Variants in NSD3 observed in about 807,000 individuals in gnomAD.
The protein encoded by NSD3 is histone-lysine N-methyltransferase NSD3.
In NSD3, 24 loss-of-function variants were observed where a neutral mutation model predicts 160.8. The ratio of observed to expected loss-of-function variants is 0.15; its 90% CI spans 0.11 to 0.21. NSD3 has a LOEUF of 0.21. Ranked by LOEUF, NSD3 falls within the 10% of genes least tolerant of loss-of-function variation. The probability of loss-of-function intolerance (pLI) is 1.00; values close to 1 mark genes in which losing one functional copy is unlikely to be tolerated. For missense variants in NSD3, 1,157 were observed against 1,735.9 expected, an observed-to-expected ratio of 0.67 and a Z score of 5.93; for synonymous variants, 520 against 600.0, an observed-to-expected ratio of 0.87 and a Z score of 1.95.
At chr8:38,359,162 T>C (rs1178937883) in intron 1 of NSD3, among the ~76,000 whole-genome samples, 1 of 152,204 alleles carries the variant, frequency 6.6e-6, no homozygotes, top group Non-Finnish European at 1.5e-5. Flanking sequence ...TAGGTTTTCA[T>C]AATTAAAAAA....
intron 1 of NSD3, among the ~76,000 whole-genome samples, chr8:38,354,674 T>C (rs955281197): frequency 6.6e-6 from 1 of 152,098 alleles, no homozygotes; most frequent in African/African-American, 2.4e-5. Context: ...AGGTGTTGAA[T>C]GTAATATTCT....
chr8:38,352,422 A>G (rs555934169), intron 1 of NSD3, among the ~76,000 whole-genome samples: 3 of 152,194 alleles, frequency 2.0e-5, no homozygotes, highest in Non-Finnish European at 4.4e-5. Context: ...AGTGTCAGGC[A>G]CTTTACACAT....
chr8:38,283,109 A>T (rs1388694595), intron 19 of NSD3, among the ~76,000 whole-genome samples: 2 of 152,220 alleles, frequency 1.3e-5, no homozygotes, highest in African/African-American at 2.4e-5. Context: ...CACTTTCTCC[A>T]CGTCCTGTCT....
At chr8:38,365,830 C>T (rs1035192111) in intron 1 of NSD3, among the ~76,000 whole-genome samples, 1 of 152,048 alleles carries the variant, frequency 6.6e-6, no homozygotes, top group Non-Finnish European at 1.5e-5. Context: ...AAAAGATGAT[C>T]ATCAGGTACT....
At chr8:38,282,457 G>A (rs1808752205) in intron 19 of NSD3, among the ~76,000 whole-genome samples, 1 of 152,228 alleles carries the variant, frequency 6.6e-6, no homozygotes, top group Non-Finnish European at 1.5e-5. Context: ...GATCACCAGA[G>A]GTCAGGCGTC....
At chr8:38,381,056 G>C (rs1313123173) in intron 1 of NSD3, among the ~76,000 whole-genome samples, 1 of 152,004 alleles carries the variant, frequency 6.6e-6, no homozygotes, top group Non-Finnish European at 1.5e-5. Context: ...AGCCTTGAAA[G>C]AAAGACACAG....
intron 15 of NSD3, among the ~76,000 whole-genome samples, chr8:38,296,674 CTGTGTGTGTGTGTGTGTGTGTGTG>C (rs57485296): frequency 2.1e-5 from 3 of 142,188 alleles, no homozygotes; most frequent in Non-Finnish European, 3.0e-5. Context: ...CTCTCTCCCT[CTGTGTGTGTGTGTGTGTGTGTGTG>C]TGTGTGTGTG....
At position 38,279,521 on chromosome 8, in the gene NSD3, G is replaced by A. The variant is rs777784240; in HGVS notation, c.3760+19C>T. The A allele has an allele frequency of 2.5e-6, 4 of 1,611,856 alleles. No homozygotes were observed. Among genetic ancestry groups the A allele is most frequent in the Non-Finnish European group, 2.5e-6 (3 of 1,178,330 alleles). Reference sequence around the variant, plus strand: ...TTCTTCCTAGGGAGGAAAGCATGGGGAACGAGTCACTTTTTTACCTGCAGG... The same window carrying A: ...TTCTTCCTAGGGAGGAAAGCATGGGAAACGAGTCACTTTTTTACCTGCAGG... On this transcript the variant is annotated intron_variant, in intron 21 of 23. Coordinates refer to ENST00000317025, the MANE Select transcript of NSD3 (RefSeq NM_023034.2).
chr8:38,289,597 C>G, intron 17 of NSD3, 92 bp from the exon 18 acceptor site: 1 of 1,142,454 alleles, frequency 8.8e-7, no homozygotes, highest in South Asian at 1.4e-5. Context: ...CAATGCTTTG[C>G]ATCTGGCCTG....
intron 19 of NSD3, among the ~76,000 whole-genome samples, chr8:38,286,984 G>A (rs1444417338): frequency 1.3e-5 from 2 of 152,156 alleles, no homozygotes; most frequent in Non-Finnish European, 2.9e-5. Flanking sequence ...AATGGCACTC[G>A]ACATGTTTAC....
At chr8:38,357,550 T>A (rs965820068) in intron 1 of NSD3, among the ~76,000 whole-genome samples, 6 of 152,168 alleles carry the variant, frequency 3.9e-5, no homozygotes, top group African/African-American at 1.4e-4. Flanking sequence ...CTCTTAACCA[T>A]CTTTTGAGCT....
At chr8:38,371,999 G>T (rs1811253363) in intron 1 of NSD3, among the ~76,000 whole-genome samples, 1 of 152,158 alleles carries the variant, frequency 6.6e-6, no homozygotes, top group Non-Finnish European at 1.5e-5. Flanking sequence ...CCAAATTACA[G>T]AAAAGTTAAA....
rs1360162035 is a variant in NSD3, at chr8:38,270,630, C to CA, written c.*5010dup. ...TCAATACCTTATATAGGTCATCTGACAGATACTTGAGGGCTGTTTGCACAC... is the reference window on the plus strand; with the variant it reads ...TCAATACCTTATATAGGTCATCTGACAAGATACTTGAGGGCTGTTTGCACAC... On this transcript the variant is annotated 3_prime_UTR_variant, in exon 24 of 24. Transcript: ENST00000317025. The CA allele has an allele frequency of 6.6e-6, 1 of 152,210 alleles. No homozygotes were observed. The highest frequency in any genetic ancestry group is 1.5e-5 in the Non-Finnish European group (1 of 68,036). The allele number at this position is 152,210 out of a possible 1,614,324, so 9.4% of individuals were successfully genotyped here.
chr8:38,312,755 C>T (rs1245997017), intron 12 of NSD3, among the ~76,000 whole-genome samples: 14 of 152,150 alleles, frequency 9.2e-5, no homozygotes, highest in Non-Finnish European at 7.3e-5. Context: ...CCTGAGGCCT[C>T]CTCAGAAGCC....
At chr8:38,355,357 T>C (rs549026513) in intron 1 of NSD3, among the ~76,000 whole-genome samples, 33 of 152,202 alleles carry the variant, frequency 2.2e-4, no homozygotes, top group Non-Finnish European at 2.4e-4. Context: ...GGCCACTTGT[T>C]GGCTATTATT....
At chr8:38,377,108 A>C (rs553154495) in intron 1 of NSD3, among the ~76,000 whole-genome samples, 10 of 152,060 alleles carry the variant, frequency 6.6e-5, no homozygotes, top group Non-Finnish European at 1.5e-4. Context: ...ACTGGAGCGC[A>C]GTGGTACAAT....
Position 38,380,347 on chromosome 8 carries a change from C to T in NSD3, c.-45+1452G>A, listed in dbSNP as rs186040218. Among the ~76,000 whole-genome samples, 3 of 152,304 alleles carry T rather than the reference C, an allele frequency of 2.0e-5. No individual in the cohort carries two copies. The East Asian group carries it at 5.8e-4, about 29-fold the overall frequency. On this transcript the variant is annotated intron_variant, in intron 1 of 23. Coordinates refer to ENST00000317025, the MANE Select transcript of NSD3 (RefSeq NM_023034.2). Reference sequence around the variant, plus strand: ...GATAATCTACCACAAGCAGAGCTTCCTACCCCTTTCACCCGGACACAGCGC... The same window carrying T: ...GATAATCTACCACAAGCAGAGCTTCTTACCCCTTTCACCCGGACACAGCGC...
intron 1 of NSD3, among the ~76,000 whole-genome samples, chr8:38,366,418 C>CTTTTT (rs374656504): frequency 1.5e-5 from 2 of 132,194 alleles, no homozygotes; most frequent in Admixed American, 7.9e-5. Flanking sequence ...CTACTTAATT[C>CTTTTT]TTTTTTTTTT....
rs1169445602 is a variant in NSD3, at chr8:38,326,767, C to T, written c.1671G>A (p.Gln557=). The T allele has an allele frequency of 6.2e-7, 1 of 1,614,050 alleles. No individual in the cohort carries two copies. The highest frequency in any genetic ancestry group is 8.5e-7 in the Non-Finnish European group (1 of 1,179,974). The stretch of plus-strand genomic sequence containing the variant: ...ATGTTGCTTCAGGAGATGATACACT[C>T]TGCGTTGGCTTTTCATTTCTCTGGT... The part of the protein sequence containing the change: ...TPNQRNEKPT[Q]SVSSPEATSG... The change falls in exon 7 of 24, where the codon CAG becomes CAA. Residue 557 remains glutamine, a synonymous_variant. Transcript: ENST00000317025.
Sources: gnomAD v4.1 joint callset for allele counts (sites outside exome capture counted in the v4.1 genomes callset) on GRCh38, gnomAD v4.1.1 for gene constraint, MANE v1.5 for transcripts, NCBI Gene and HGNC (gene_info 2026-07-23, HGNC 2026-07-21) for gene names.